FCRL2: variants seen among roughly 807,000 people sequenced by gnomAD.
FCRL2 encodes the protein Fc receptor-like protein 2.
In FCRL2, 48 loss-of-function variants were observed where a neutral mutation model predicts 59.8. That is an observed-to-expected ratio of 0.80 (90% CI 0.64 to 1.02). The LOEUF (loss-of-function observed/expected upper bound fraction) is 1.02, where lower values mean the gene tolerates loss of function less well. FCRL2 is among the 50% of genes least tolerant of loss of function. The pLI, the probability that FCRL2 is intolerant of heterozygous loss-of-function variation, is 0.00. For synonymous variants in FCRL2, 251 were observed against 229.5 expected, an observed-to-expected ratio of 1.09 and a Z score of -0.85; for missense variants, 658 against 597.3, an observed-to-expected ratio of 1.10 and a Z score of -1.06.
At position 157,766,941 on chromosome 1, in the gene FCRL2, G is replaced by T. The variant is rs767149698; in HGVS notation, c.1193C>A (p.Thr398Lys). The T allele has an allele frequency of 3.7e-6, 6 of 1,614,178 alleles. No individual in the cohort carries two copies. Among genetic ancestry groups the T allele is most frequent in the Non-Finnish European group, 5.1e-6 (6 of 1,180,026 alleles). Residue 398 changes from threonine (T) to lysine (K), a missense_variant, in exon 7 of 12, where the codon ACA becomes AAA. Thr to Lys is a moderately conservative substitution (Grantham distance 78). Transcript: ENST00000361516. Reference protein sequence around the residue: ...GPDGYRRDLMTAGVLWGLFGV... With the variant: ...GPDGYRRDLMKAGVLWGLFGV... ...AAACAGTCCCCAGAGAACTCCAGCT[G>T]TCATGAGGTCTCTTCTATAGCCATC...
intron 1 of FCRL2, among the ~76,000 whole-genome samples, chr1:157,776,153 G>A (rs1282886586): frequency 6.6e-6 from 1 of 152,114 alleles, no homozygotes; most frequent in Non-Finnish European, 1.5e-5. Context: ...ATCACAAAGG[G>A]CTCATCAGGA....
chr1:157,755,331 C>A (rs74119659), intron 7 of FCRL2, among the ~76,000 whole-genome samples: 2,698 of 152,152 alleles, frequency 0.018, 71 homozygotes, highest in African/African-American at 0.061. Flanking sequence ...TAATGTTTCT[C>A]AATTGAGAAA....
At chr1:157,766,427 C>T (rs1040060036) in intron 7 of FCRL2, among the ~76,000 whole-genome samples, 25 of 151,834 alleles carry the variant, frequency 1.6e-4, no homozygotes, top group African/African-American at 4.4e-4. Flanking sequence ...GCTGAGATCA[C>T]GCCACTGCAC....
chr1:157,748,674 T>C (rs1225889581), intron 9 of FCRL2, 56 bp from the exon 10 acceptor site: 2 of 1,451,838 alleles, frequency 1.4e-6, no homozygotes, highest in South Asian at 1.1e-5. Flanking sequence ...TCACACTTCA[T>C]ACACAGCTTC....
At chr1:157,772,729 T>A (rs1277213888) in intron 2 of FCRL2, among the ~76,000 whole-genome samples, 2 of 152,186 alleles carry the variant, frequency 1.3e-5, no homozygotes, top group Non-Finnish European at 2.9e-5. Flanking sequence ...AGTATCCCAT[T>A]TTTCTAAGAA....
At chr1:157,751,415 G>A (rs776720495) in intron 7 of FCRL2, among the ~76,000 whole-genome samples, 1 of 152,222 alleles carries the variant, frequency 6.6e-6, no homozygotes, top group Non-Finnish European at 1.5e-5. Context: ...AGGGAGATGA[G>A]GAGCCTATAG....
intron 1 of FCRL2, 29 bp from the exon 2 acceptor site, chr1:157,775,824 G>A (rs758462612): frequency 2.7e-5 from 44 of 1,613,036 alleles, no homozygotes; most frequent in Non-Finnish European, 3.2e-5. Context: ...CCAGAGATTA[G>A]CACACAGCAT....
At chr1:157,762,403 G>C (rs893853611) in intron 7 of FCRL2, among the ~76,000 whole-genome samples, 3 of 152,162 alleles carry the variant, frequency 2.0e-5, no homozygotes, top group African/African-American at 7.2e-5. Flanking sequence ...GCCACTTCGG[G>C]TATGTGATTA....
chr1:157,746,611 T>G lies in FCRL2; in HGVS notation c.*125A>C, dbSNP rs1571242489. On this transcript the variant is annotated 3_prime_UTR_variant, in exon 12 of 12. Coordinates refer to ENST00000361516, the MANE Select transcript of FCRL2 (RefSeq NM_030764.4). ...TCATCAGGACAAAAATGACAGGAGG[T>G]GCCTCCTGAGGCACGTTCTGGCTGT... The G allele has an allele frequency of 1.7e-5, 14 of 809,052 alleles. No individual in the cohort carries two copies. The highest frequency in any genetic ancestry group is 3.4e-5 in the South Asian group (2 of 59,442). The allele number at this position is 809,052 out of a possible 1,614,324, so 50.1% of individuals were successfully genotyped here.
In FCRL2 at chr1:157,769,950, C is replaced by G; in HGVS notation, c.511G>C (p.Asp171His). 1 of 1,614,192 alleles carries G rather than the reference C, an allele frequency of 6.2e-7. No individual in the cohort carries two copies. Among genetic ancestry groups the G allele is most frequent in the Non-Finnish European group, 8.5e-7 (1 of 1,180,028 alleles). Residue 171 changes from aspartate to histidine, a missense_variant, in exon 4 of 12, where the codon GAC becomes CAC. Transcript: ENST00000361516. ...ELQISAVWSEDTGSYWCKAET... is the reference protein window; with the variant it reads ...ELQISAVWSEHTGSYWCKAET... ...GCCTTGCACCAGTAAGACCCTGTGT[C>G]TTCACTCCACACGGCAGAAATCTGG...
chr1:157,748,880 A>G lies in FCRL2; in HGVS notation c.1388T>C (p.Val463Ala), dbSNP rs745341542. 3 of 1,613,482 alleles carry G rather than the reference A, an allele frequency of 1.9e-6. No individual in the cohort carries two copies. The highest frequency in any genetic ancestry group is 2.5e-6 in the Non-Finnish European group (3 of 1,179,708). The stretch of plus-strand genomic sequence containing the variant: ...TTCCCAGTGGAGACACTCACCATTG[A>G]CATACACTGGCTGCAGCTCCTCCAT... ...PDMEELQPVY[V>A]NVGSVDVDVV... Residue 463 changes from valine to alanine, a missense_variant, in exon 9 of 12, where the codon GTC becomes GCC. Coordinates refer to ENST00000361516, the MANE Select transcript of FCRL2 (RefSeq NM_030764.4).
rs375319060 is a variant in FCRL2 at position 157,777,080 on chromosome 1, C to T, written c.-7G>A. ...GCAATGACCACAGCAGCATGAGGACCTAATCCAGCTATTTGAAAAGAGATG... is the reference window on the plus strand; with the variant it reads ...GCAATGACCACAGCAGCATGAGGACTTAATCCAGCTATTTGAAAAGAGATG... On this transcript the variant is annotated 5_prime_UTR_variant, in exon 1 of 12. Coordinates refer to ENST00000361516, the MANE Select transcript of FCRL2 (RefSeq NM_030764.4). The T allele has an allele frequency of 1.2e-6, 2 of 1,614,166 alleles. No individual in the cohort carries two copies. Among genetic ancestry groups the T allele is most frequent in the African/African-American group, 1.3e-5 (1 of 75,046 alleles).
intron 7 of FCRL2, among the ~76,000 whole-genome samples, chr1:157,756,623 G>A (rs1424166831): frequency 6.7e-6 from 1 of 150,276 alleles, no homozygotes; most frequent in Non-Finnish European, 1.5e-5. Flanking sequence ...AGCCCGCAGT[G>A]AGCCATGTTC....
chr1:157,755,390 T>C (rs1196434833), intron 7 of FCRL2, among the ~76,000 whole-genome samples: 2 of 152,216 alleles, frequency 1.3e-5, no homozygotes, highest in African/African-American at 4.8e-5. Flanking sequence ...TGGTGTGTTA[T>C]AAACAAGCAT....
chr1:157,749,787 G>A (rs530561419), intron 7 of FCRL2, 110 bp from the exon 8 acceptor site: 12 of 708,220 alleles, frequency 1.7e-5, no homozygotes, highest in Non-Finnish European at 2.6e-5. Context: ...AGATATAGAA[G>A]AGTAATCCAA....
At chr1:157,772,955 A>G (rs1326745215) in intron 2 of FCRL2, among the ~76,000 whole-genome samples, 1 of 152,062 alleles carries the variant, frequency 6.6e-6, no homozygotes, top group Non-Finnish European at 1.5e-5. Context: ...TGCCAAGCCA[A>G]ATCACTTCAG....
intron 7 of FCRL2, among the ~76,000 whole-genome samples, chr1:157,760,698 G>GGAAAGAAAGAAAGAA (rs1648980090): frequency 1.0e-5 from 1 of 97,206 alleles, no homozygotes; most frequent in Admixed American, 1.1e-4. Flanking sequence ...AAAGAAAGAA[G>GGAAAGAAAGAAAGAA]GAAAGAAAGA....
intron 2 of FCRL2, among the ~76,000 whole-genome samples, chr1:157,774,904 A>G (rs1650292974): frequency 6.6e-6 from 1 of 152,182 alleles, no homozygotes; most frequent in African/African-American, 2.4e-5. Context: ...GGGCAAGGGA[A>G]CAAGTCTCCC....
At chr1:157,776,772 G>T (rs1452617401) in intron 1 of FCRL2, among the ~76,000 whole-genome samples, 1 of 151,026 alleles carries the variant, frequency 6.6e-6, no homozygotes, top group Non-Finnish European at 1.5e-5. Flanking sequence ...ATTACTCAAT[G>T]AGATCTAAGA....
Sources: allele counts gnomAD v4.1 joint callset (sites outside exome capture counted in the v4.1 genomes callset), GRCh38; gene constraint gnomAD v4.1.1; transcripts MANE v1.5; gene names NCBI Gene and HGNC (gene_info 2026-07-23, HGNC 2026-07-21).